GOLIM4: variants seen among roughly 807,000 people sequenced by gnomAD.
GOLIM4 encodes 130 kDa golgi-localized phosphoprotein.
In GOLIM4, 71 loss-of-function variants were observed where a neutral mutation model predicts 107.4. That is an observed-to-expected ratio of 0.66 (90% CI 0.55 to 0.81). The LOEUF is 0.81. Ranked by LOEUF, GOLIM4 falls within the 30% of genes least tolerant of loss-of-function variation. GOLIM4 has a pLI of 0.00. For missense variants in GOLIM4, 830 were observed against 826.1 expected (o/e 1.00, Z -0.06); for synonymous variants, 327 against 294.8 (o/e 1.11, Z -1.12).
intron 1 of GOLIM4, among the ~76,000 whole-genome samples, chr3:168,086,314 A>C (rs1721618228): frequency 1.3e-5 from 2 of 152,172 alleles, no homozygotes; most frequent in Non-Finnish European, 2.9e-5. Flanking sequence ...GCCAAATTTT[A>C]ATCTGTTTAT....
At chr3:168,040,126 C>T (rs938982781) in intron 7 of GOLIM4, among the ~76,000 whole-genome samples, 5 of 152,214 alleles carry the variant, frequency 3.3e-5, no homozygotes, top group Non-Finnish European at 2.9e-5. Context: ...CTGTTTCCTT[C>T]CTTCTGCTAG....
At chr3:168,053,062 C>T (rs1329019478) in intron 1 of GOLIM4, among the ~76,000 whole-genome samples, 1 of 152,110 alleles carries the variant, frequency 6.6e-6, no homozygotes, top group Non-Finnish European at 1.5e-5. Context: ...TCCATGCAAC[C>T]AGGAATGGAA....
chr3:168,090,397 A>G (rs1434465078), intron 1 of GOLIM4, among the ~76,000 whole-genome samples: 3 of 152,212 alleles, frequency 2.0e-5, no homozygotes, highest in Non-Finnish European at 2.9e-5. Context: ...CTAGACAAGA[A>G]GACAACACAC....
At chr3:168,038,252 C>T (rs1718772949) in intron 7 of GOLIM4, among the ~76,000 whole-genome samples, 1 of 152,154 alleles carries the variant, frequency 6.6e-6, no homozygotes, top group Non-Finnish European at 1.5e-5. Context: ...ATACACATAG[C>T]AATGCTTTTA....
intron 1 of GOLIM4, among the ~76,000 whole-genome samples, chr3:168,094,837 C>A (rs1231176533): frequency 6.6e-6 from 1 of 152,202 alleles, no homozygotes; most frequent in Non-Finnish European, 1.5e-5. Context: ...ATCTGTGCAC[C>A]CGCCCACCAA....
chr3:168,066,094 A>G (rs1409690921), intron 1 of GOLIM4, among the ~76,000 whole-genome samples: 1 of 152,194 alleles, frequency 6.6e-6, no homozygotes, highest in African/African-American at 2.4e-5. Context: ...CAGCAGGGAT[A>G]CAAAAGAAGA....
chr3:168,017,727 T>C (rs970865523), intron 14 of GOLIM4, among the ~76,000 whole-genome samples: 12 of 152,208 alleles, frequency 7.9e-5, no homozygotes, highest in Admixed American at 5.9e-4. Flanking sequence ...ATCTATTCTA[T>C]ACTTAAGAAT....
rs1373959902 is a variant in GOLIM4 at position 168,025,031 on chromosome 3, T to C, written c.1688A>G (p.Glu563Gly). 1 of 1,613,832 alleles carries C rather than the reference T, an allele frequency of 6.2e-7. No individual in the cohort carries two copies. Among genetic ancestry groups the C allele is most frequent in the Non-Finnish European group, 8.5e-7 (1 of 1,179,852 alleles). The change falls in exon 13 of 16, where the codon GAA (glutamate) becomes GGA (glycine). Residue 563 changes from glutamate (E) to glycine (G), a missense_variant. By Grantham distance (98) the Glu-to-Gly change is moderately conservative. Coordinates refer to ENST00000470487, the MANE Select transcript of GOLIM4 (RefSeq NM_014498.5). ...TTCTTCTCTCACTTGCTCGGCTTCT[T>C]CAAATTCATCCTCACCTTGATTATT... Reference protein sequence around the residue: ...DPNNQGEDEFEEAEQVREENL... With the variant: ...DPNNQGEDEFGEAEQVREENL...
chr3:168,023,874 C>T (rs544705229), intron 14 of GOLIM4, among the ~76,000 whole-genome samples: 1 of 152,042 alleles, frequency 6.6e-6, no homozygotes, highest in Non-Finnish European at 1.5e-5. Context: ...AGCAGCACCA[C>T]AATAAACGCT....
rs867338673 is a variant in GOLIM4 at position 168,014,533 on chromosome 3, C to T, written c.1861-3710G>A. 7.8e-5 allele frequency among the ~76,000 whole-genome samples: 10 copies of T among 128,858 alleles called. 1 individual carries two copies. The highest frequency in any genetic ancestry group is 4.7e-4 in the African/African-American group (10 of 21,242). The allele number at this position is 128,858 out of a possible 152,430, so 84.5% of individuals were successfully genotyped here. ...GAAAAAGAGGGAATCCTCCCTAACTCATTTTATGAGGCCAGCATCATTCTG... is the reference window on the plus strand; with the variant it reads ...GAAAAAGAGGGAATCCTCCCTAACTTATTTTATGAGGCCAGCATCATTCTG... On this transcript the variant is annotated intron_variant, in intron 14 of 15. Coordinates refer to ENST00000470487, the MANE Select transcript of GOLIM4 (RefSeq NM_014498.5).
chr3:168,080,889 C>A (rs1304817380), intron 1 of GOLIM4, among the ~76,000 whole-genome samples: 1 of 152,172 alleles, frequency 6.6e-6, no homozygotes, highest in Non-Finnish European at 1.5e-5. Context: ...GTATGTGCAA[C>A]CTGGGCTCTA....
intron 14 of GOLIM4, among the ~76,000 whole-genome samples, chr3:168,022,562 T>C (rs1449126376): frequency 6.6e-6 from 1 of 152,138 alleles, no homozygotes; most frequent in Non-Finnish European, 1.5e-5. Context: ...TCTTCTCCTC[T>C]CTCAAGGGAA....
chr3:168,017,668 C>T (rs550725109), intron 14 of GOLIM4, among the ~76,000 whole-genome samples: 1 of 152,276 alleles, frequency 6.6e-6, no homozygotes, highest in African/African-American at 2.4e-5. Context: ...TGTAAAGGCA[C>T]AAAGGATAGA....
Position 168,010,518 on chromosome 3 carries a change from GA to G in GOLIM4, c.1942-101del, listed in dbSNP as rs200439159. The G allele has an allele frequency of 2.3e-3, 1,996 of 864,880 alleles. 25 individuals carry two copies. The highest frequency in any genetic ancestry group is 0.021 in the East Asian group (823 of 38,690). 53.6% of individuals were successfully genotyped at this position (864,880 alleles called of 1,614,324 possible). ...GATGAAAAATTACTCATTTTTGGAGGAAAAAAAAGGAAGAAAAATGATATGT... is the reference window on the plus strand; with the variant it reads ...GATGAAAAATTACTCATTTTTGGAGGAAAAAAAGGAAGAAAAATGATATGT... On this transcript the variant is annotated intron_variant, in intron 15 of 15. Transcript: ENST00000470487.
intron 9 of GOLIM4, 82 bp downstream of exon 9, chr3:168,032,438 T>C: frequency 1.1e-6 from 1 of 926,694 alleles, no homozygotes; most frequent in South Asian, 1.5e-5. Context: ...TTTTAGAGAT[T>C]GTGATATATT....
intron 13 of GOLIM4, 33 bp from the exon 14 acceptor site, chr3:168,024,627 T>C (rs1206996936): frequency 6.5e-6 from 10 of 1,544,460 alleles, no homozygotes; most frequent in Non-Finnish European, 9.0e-6. Context: ...TTCATGTTAC[T>C]GTACATCAGA....
intron 1 of GOLIM4, among the ~76,000 whole-genome samples, chr3:168,072,633 A>C (rs1046878325): frequency 6.6e-6 from 1 of 152,128 alleles, no homozygotes; most frequent in Non-Finnish European, 1.5e-5. Flanking sequence ...CCTAAAACTT[A>C]ATTGAAAAGA....
At chr3:168,081,336 G>A (rs1318482748) in intron 1 of GOLIM4, among the ~76,000 whole-genome samples, 1 of 152,212 alleles carries the variant, frequency 6.6e-6, no homozygotes, top group African/African-American at 2.4e-5. Context: ...GCGGAAAGCT[G>A]CAGAGGTGAA....
Position 168,095,184 on chromosome 3 carries a change from G to C in GOLIM4, c.102C>G (p.Tyr34Ter). Residue 34 changes from tyrosine (Y) to a stop codon, truncating the protein, a stop_gained, in exon 1 of 16, where the codon TAC becomes TAG. Transcript: ENST00000470487. LOFTEE classifies it high-confidence loss of function. ...FGFLYGAMLY[Y>*]ELQTQLRKAE... ...CTTTCCGCAGCTGCGTCTGCAGCTC[G>C]TAGTAGAGCATCGCGCCGTAGAGAA... The C allele has an allele frequency of 6.2e-7, 1 of 1,613,484 alleles. No individual in the cohort carries two copies. Among genetic ancestry groups the C allele is most frequent in the Non-Finnish European group, 8.5e-7 (1 of 1,179,714 alleles).
Sources: allele counts gnomAD v4.1 joint callset (sites outside exome capture counted in the v4.1 genomes callset), GRCh38; gene constraint gnomAD v4.1.1; transcripts MANE v1.5; gene names NCBI Gene and HGNC (gene_info 2026-07-23, HGNC 2026-07-21).